The following TXLNA variants were observed in gnomAD, a reference collection of about 807,000 sequenced individuals.
TXLNA encodes the protein alpha-taxilin.
In TXLNA, 9 loss-of-function variants were observed where a neutral mutation model predicts 61.4. The observed-to-expected ratio is 0.15, with a 90% CI of 0.09 to 0.26. TXLNA has a LOEUF of 0.26. TXLNA is among the 10% of genes least tolerant of loss of function. The probability of loss-of-function intolerance (pLI) is 1.00; values close to 1 mark genes in which losing one functional copy is unlikely to be tolerated. For synonymous variants in TXLNA, 257 were observed against 267.7 expected (o/e 0.96, Z 0.39); for missense variants, 565 against 688.8 (o/e 0.82, Z 2.01).
chr1:32,194,725 G>A (rs1410155634), intron 10 of TXLNA, among the ~76,000 whole-genome samples, 177 bp from the exon 11 acceptor site: 3 of 152,234 alleles, frequency 2.0e-5, no homozygotes, highest in African/African-American at 4.8e-5. Context: ...CCCCTTTTCT[G>A]CACCATGCTG....
intron 4 of TXLNA, among the ~76,000 whole-genome samples, chr1:32,187,749 C>G (rs1339285051): frequency 6.6e-6 from 1 of 152,156 alleles, no homozygotes; most frequent in Non-Finnish European, 1.5e-5. Flanking sequence ...TACCATTTCT[C>G]TGTCCCTACG....
intron 6 of TXLNA, among the ~76,000 whole-genome samples, chr1:32,191,212 C>G (rs1478154439): frequency 6.6e-6 from 1 of 152,050 alleles, no homozygotes; most frequent in African/African-American, 2.4e-5. Flanking sequence ...TGGGCGCGTT[C>G]TCATCATGAG....
intron 6 of TXLNA, among the ~76,000 whole-genome samples, chr1:32,191,518 A>G (rs781134873): frequency 2.0e-5 from 3 of 152,090 alleles, no homozygotes; most frequent in Non-Finnish European, 2.9e-5. Flanking sequence ...CTACAGTGAG[A>G]CACGAACTTC....
chr1:32,186,741 C>G (rs1465185453), intron 4 of TXLNA, among the ~76,000 whole-genome samples: 1 of 152,144 alleles, frequency 6.6e-6, no homozygotes, highest in Non-Finnish European at 1.5e-5. Context: ...TAGTCCTGGA[C>G]TGGGATGCTG....
intron 6 of TXLNA, among the ~76,000 whole-genome samples, chr1:32,191,967 C>A (rs886463621): frequency 6.6e-6 from 1 of 152,264 alleles, no homozygotes; most frequent in African/African-American, 2.4e-5. Context: ...CCATTCTTCC[C>A]ATTTACAAGA....
At chr1:32,182,620 C>A (rs1247526798) in intron 3 of TXLNA, among the ~76,000 whole-genome samples, 1 of 150,730 alleles carries the variant, frequency 6.6e-6, no homozygotes, top group Non-Finnish European at 1.5e-5. Flanking sequence ...TGAGATTGTG[C>A]CACTACATCC....
Position 32,192,299 on chromosome 1 carries a change from T to C in TXLNA, c.964-12T>C, listed in dbSNP as rs1229864333. 1 of 1,612,846 alleles carries C rather than the reference T, an allele frequency of 6.2e-7. No homozygotes were observed. The highest frequency in any genetic ancestry group is 8.5e-7 in the Non-Finnish European group (1 of 1,179,126). On this transcript the variant is annotated splice_polypyrimidine_tract_variant and intron_variant, in intron 6 of 10. Coordinates refer to ENST00000373610, the MANE Select transcript of TXLNA (RefSeq NM_175852.4). The surrounding 1 kb of genome is among the most constrained non-coding windows in gnomAD (Gnocchi z 4.2). ...CCTGACAAGCCGACTGCTCCCACCA[T>C]CTTTGTTGCAGCATATCGACAAAGT...
In TXLNA at chr1:32,192,616, G is replaced by C; in HGVS notation, c.1084-41G>C. On this transcript the variant is annotated intron_variant, in intron 7 of 10. Coordinates refer to ENST00000373610, the MANE Select transcript of TXLNA (RefSeq NM_175852.4). This position sits in a 1 kb window ranked among gnomAD's most constrained non-coding sequence, Gnocchi z 4.2. Reference sequence around the variant, plus strand: ...TGGCTAAAAACCAAACATAGCCCCTGGGGGCTTCTGACAGGATCTGGGGTT... The same window carrying C: ...TGGCTAAAAACCAAACATAGCCCCTCGGGGCTTCTGACAGGATCTGGGGTT... 10 of 1,610,136 alleles carry C rather than the reference G, an allele frequency of 6.2e-6. No individual in the cohort carries two copies. In the South Asian group the frequency reaches 9.9e-5, roughly 16 times the overall value.
intron 2 of TXLNA, among the ~76,000 whole-genome samples, 174 bp downstream of exon 2, chr1:32,180,688 C>G (rs1041125227): frequency 4.6e-5 from 7 of 152,274 alleles, no homozygotes; most frequent in African/African-American, 1.7e-4. Context: ...GAGCTGCCCC[C>G]TCTAAGCACA....
Position 32,181,423 on chromosome 1 carries a change from G to A in TXLNA, c.351G>A (p.Val117=), listed in dbSNP as rs1185327073. The A allele has an allele frequency of 1.2e-6, 2 of 1,614,090 alleles. No individual in the cohort carries two copies. Among genetic ancestry groups the A allele is most frequent in the Non-Finnish European group, 1.7e-6 (2 of 1,180,048 alleles). ...ATGCAGAGAAGTCCCGGACCTATGT[G>A]GCAAGGAATGGGGAGCCTGAACCAA... ...PEDAEKSRTY[V]ARNGEPEPTP... The change falls in exon 3 of 11, where the codon GTG becomes GTA. Residue 117 remains valine, a synonymous_variant. Coordinates refer to ENST00000373610, the MANE Select transcript of TXLNA (RefSeq NM_175852.4).
chr1:32,195,259 G>T lies in TXLNA; in HGVS notation c.*64G>T. 1.3e-6 allele frequency: 2 copies of T among 1,493,492 alleles called. No individual in the cohort carries two copies. Among genetic ancestry groups the T allele is most frequent in the Non-Finnish European group, 8.9e-7 (1 of 1,120,212 alleles). 92.5% of individuals were successfully genotyped at this position (1,493,492 alleles called of 1,614,324 possible). A position where few individuals can be genotyped will look rare whatever the true frequency, so the allele number is the denominator to read the frequency against. ...GCCCAGCCAGGCCTGGCCCATAAAA[G>T]GCTCCCATGCTGAGCAGCCCATTGC... On this transcript the variant is annotated 3_prime_UTR_variant, in exon 11 of 11. Coordinates refer to ENST00000373610, the MANE Select transcript of TXLNA (RefSeq NM_175852.4).
rs112648110 is a variant in TXLNA, at chr1:32,195,977, CTTTTTTT to C, written c.*791_*797del. 2 of 154,366 alleles carry C rather than the reference CTTTTTTT, an allele frequency of 1.3e-5. No homozygotes were observed. Among genetic ancestry groups the C allele is most frequent in the Non-Finnish European group, 1.4e-5 (1 of 73,044 alleles). The allele number at this position is 154,366 out of a possible 1,614,324, so 9.6% of individuals were successfully genotyped here. A position where few individuals can be genotyped will look rare whatever the true frequency, so the allele number is the denominator to read the frequency against. Reference sequence around the variant, plus strand: ...GGTGTTTTTTTCTTTATTTCTTTTTCTTTTTTTTTTTTTTTCTTTTTCTTTTTTTTTT... The same window carrying C: ...GGTGTTTTTTTCTTTATTTCTTTTTCTTTTTTTTCTTTTTCTTTTTTTTTT... On this transcript the variant is annotated 3_prime_UTR_variant, in exon 11 of 11. Coordinates refer to ENST00000373610, the MANE Select transcript of TXLNA (RefSeq NM_175852.4).
rs372902491 is a variant in TXLNA, at chr1:32,184,660, T to C, written c.597+44T>C. 2.9e-5 allele frequency: 40 copies of C among 1,387,732 alleles called. No homozygotes were observed. The African/African-American group carries it at 4.1e-4, about 14-fold the overall frequency. 86.0% of individuals were successfully genotyped at this position (1,387,732 alleles called of 1,614,324 possible). A position where few individuals can be genotyped will look rare whatever the true frequency, so the allele number is the denominator to read the frequency against. ...GGGCACCTTCCCTGCGTTGGGAAAA[T>C]CAGCATGCCACCTGGTGTAAGGTTG... On this transcript the variant is annotated intron_variant, in intron 4 of 10. Coordinates refer to ENST00000373610, the MANE Select transcript of TXLNA (RefSeq NM_175852.4).
chr1:32,194,163 G>A lies in TXLNA; in HGVS notation c.1347+3G>A. On this transcript the variant is annotated splice_donor_region_variant and intron_variant, in intron 10 of 10. Coordinates refer to ENST00000373610, the MANE Select transcript of TXLNA (RefSeq NM_175852.4). ...CCCTGCTTGAGATGGCTGAGGAGGTGGGCTGTCTGTGATCTGCAGCCAGGG... is the reference window on the plus strand; with the variant it reads ...CCCTGCTTGAGATGGCTGAGGAGGTAGGCTGTCTGTGATCTGCAGCCAGGG... The A allele has an allele frequency of 1.2e-6, 2 of 1,613,070 alleles. No individual in the cohort carries two copies. Among genetic ancestry groups the A allele is most frequent in the Non-Finnish European group, 8.5e-7 (1 of 1,179,500 alleles).
intron 3 of TXLNA, among the ~76,000 whole-genome samples, chr1:32,182,097 G>GTTTTT (rs1642675960): frequency 9.4e-6 from 1 of 106,212 alleles, no homozygotes; most frequent in Non-Finnish European, 1.9e-5. Flanking sequence ...GTGCAGTCAG[G>GTTTTT]CTTTTTTTTT....
At position 32,192,542 on chromosome 1, in the gene TXLNA, C is replaced by G. The variant is rs866896555; in HGVS notation, c.1083+112C>G. The G allele has an allele frequency of 2.3e-5, 37 of 1,588,164 alleles. No individual in the cohort carries two copies. In the Middle Eastern group the frequency reaches 6.9e-4, roughly 30 times the overall value. Reference sequence around the variant, plus strand: ...AGTCTGGCCAGACCAGGCACAGATTCCTTGAGTACCAGTCTGAGAGCAGGA... The same window carrying G: ...AGTCTGGCCAGACCAGGCACAGATTGCTTGAGTACCAGTCTGAGAGCAGGA... On this transcript the variant is annotated intron_variant, in intron 7 of 10. Coordinates refer to ENST00000373610, the MANE Select transcript of TXLNA (RefSeq NM_175852.4). This position sits in a 1 kb window ranked among gnomAD's most constrained non-coding sequence, Gnocchi z 4.2.
Position 32,195,452 on chromosome 1 carries a change from G to T in TXLNA, c.*257G>T. The T allele has an allele frequency of 3.5e-6, 2 of 568,692 alleles. No homozygotes were observed. Among genetic ancestry groups the T allele is most frequent in the Non-Finnish European group, 6.3e-6 (2 of 318,522 alleles). The allele number at this position is 568,692 out of a possible 1,614,324, so 35.2% of individuals were successfully genotyped here. A position where few individuals can be genotyped will look rare whatever the true frequency, so the allele number is the denominator to read the frequency against. ...ATGGGGGTGTGTACAGATGAAGTCA[G>T]TGGCTTGTCTGTGAGCTGAAGAGTC... On this transcript the variant is annotated 3_prime_UTR_variant, in exon 11 of 11. Transcript: ENST00000373610.
chr1:32,185,343 A>G (rs893424132), intron 4 of TXLNA, among the ~76,000 whole-genome samples: 28 of 152,188 alleles, frequency 1.8e-4, no homozygotes, highest in South Asian at 8.3e-4. Flanking sequence ...TTATCCATTG[A>G]TGGTCACAGC....
intron 8 of TXLNA, 46 bp from the exon 9 acceptor site, chr1:32,193,162 T>C: frequency 1.5e-6 from 2 of 1,364,780 alleles, no homozygotes; most frequent in Non-Finnish European, 2.1e-6. Context: ...CCAGAGTGCC[T>C]CCCAGAGAAA....
Sources: gnomAD v4.1 joint callset for allele counts (sites outside exome capture counted in the v4.1 genomes callset) on GRCh38, gnomAD v4.1.1 for gene constraint, Gnocchi (gnomAD v3.1) non-coding constraint, MANE v1.5 for transcripts, NCBI Gene and HGNC (gene_info 2026-07-23, HGNC 2026-07-21) for gene names.